The following COPB2 variants were observed in gnomAD, a reference collection of about 807,000 sequenced individuals.
COPB2 encodes coatomer subunit beta'.
In COPB2, 16 loss-of-function variants were observed where a neutral mutation model predicts 120.8. The observed-to-expected ratio is 0.13, with a 90% CI of 0.09 to 0.20. The LOEUF (loss-of-function observed/expected upper bound fraction) is 0.20. COPB2 is among the 10% of genes least tolerant of loss of function. The pLI, the probability that COPB2 is intolerant of heterozygous loss-of-function variation, is 1.00. For missense variants in COPB2, 794 were observed against 1,076.5 expected (o/e 0.74, Z 3.67); for synonymous variants, 332 against 366.3 (o/e 0.91, Z 1.07).
rs780380900 is a variant in COPB2 at position 139,359,057 on chromosome 3, C to G, written c.2425G>C (p.Glu809Gln). 1.1e-5 allele frequency: 17 copies of G among 1,613,934 alleles called. No individual in the cohort carries two copies. The highest frequency in any genetic ancestry group is 1.4e-5 in the Non-Finnish European group (16 of 1,180,010). Reference sequence around the variant, plus strand: ...TCAGCATGTGTTTCCTTCACCCATTCTTCAACAACAAAGGCTTCTTTTAAT... The same window carrying G: ...TCAGCATGTGTTTCCTTCACCCATTGTTCAACAACAAAGGCTTCTTTTAAT... Reference protein sequence around the residue: ...PGLKEAFVVEEWVKETHADLW... With the variant: ...PGLKEAFVVEQWVKETHADLW... Residue 809 changes from glutamate to glutamine, a missense_variant, in exon 19 of 22, where the codon GAA becomes CAA. This residue lies in a region of COPB2 where 178 missense variants were observed against 183.2 expected (regional missense o/e 0.97). Transcript: ENST00000333188.
At chr3:139,385,067 C>T (rs1005854162) in intron 1 of COPB2, 2 of 152,232 alleles carry the variant, frequency 1.3e-5, no homozygotes, top group Middle Eastern at 3.2e-3. Context: ...GGCGAAGTCT[C>T]GCTCTGTCGT....
intron 2 of COPB2, 80 bp from the exon 3 acceptor site, chr3:139,379,546 C>A: frequency 8.7e-7 from 1 of 1,146,384 alleles, no homozygotes; most frequent in South Asian, 1.4e-5. Flanking sequence ...TTCAAACATC[C>A]AATTTTTAAG....
chr3:139,378,465 A>G (rs1941755195), intron 4 of COPB2, among the ~76,000 whole-genome samples: 1 of 152,244 alleles, frequency 6.6e-6, no homozygotes, highest in Non-Finnish European at 1.5e-5. Flanking sequence ...GGCATTAAAG[A>G]ATGGCCAAAG....
intron 10 of COPB2, among the ~76,000 whole-genome samples, chr3:139,370,125 A>G (rs142433782): frequency 2.0e-5 from 3 of 152,314 alleles, no homozygotes; most frequent in East Asian, 1.9e-4. Flanking sequence ...GAAATGTTCT[A>G]TAATTTGATT....
intron 10 of COPB2, among the ~76,000 whole-genome samples, chr3:139,370,564 G>A (rs1389335693): frequency 6.6e-6 from 1 of 152,090 alleles, no homozygotes; most frequent in Admixed American, 6.6e-5. Flanking sequence ...CAATAAGGGC[G>A]ATTTAAATAA....
At position 139,378,985 on chromosome 3, in the gene COPB2, C is replaced by T. The variant is rs1282638938; in HGVS notation, c.355+62G>A. 2.6e-5 allele frequency: 38 copies of T among 1,483,742 alleles called. No homozygotes were observed. The East Asian group carries it at 7.5e-4, about 29-fold the overall frequency. 91.9% of individuals were successfully genotyped at this position (1,483,742 alleles called of 1,614,324 possible). On this transcript the variant is annotated intron_variant, in intron 4 of 21. Coordinates refer to ENST00000333188, the MANE Select transcript of COPB2 (RefSeq NM_004766.3). Reference sequence around the variant, plus strand: ...TAACAGCAGTTAAAGCATAGCATGTCTCAGTGAATGAAAATGAATTACCCA... The same window carrying T: ...TAACAGCAGTTAAAGCATAGCATGTTTCAGTGAATGAAAATGAATTACCCA...
chr3:139,367,245 G>A, intron 13 of COPB2, 100 bp from the exon 14 acceptor site: 1 of 1,335,626 alleles, frequency 7.5e-7, no homozygotes, highest in Non-Finnish European at 1.0e-6. Flanking sequence ...AATAAGGAAT[G>A]CAAAGTAAAA....
intron 18 of COPB2, 44 bp from the exon 19 acceptor site, chr3:139,359,222 GCTCT>G (rs776882681): frequency 6.2e-7 from 1 of 1,609,430 alleles, no homozygotes; most frequent in Non-Finnish European, 8.5e-7. Flanking sequence ...AAGTAAATGT[GCTCT>G]CTTTTTATTG....
intron 5 of COPB2, 45 bp downstream of exon 5, chr3:139,377,996 T>G: frequency 2.0e-6 from 3 of 1,476,436 alleles, no homozygotes; most frequent in Non-Finnish European, 2.8e-6. Flanking sequence ...AAGGCAAGTA[T>G]AGTTCACTAA....
chr3:139,368,240 A>T lies in COPB2; in HGVS notation c.1450T>A (p.Ser484Thr), dbSNP rs377228965. Residue 484 changes from serine (S) to threonine (T), a missense_variant, in exon 13 of 22, where the codon TCA becomes ACA. Physicochemically the swap from Ser to Thr is moderately conservative, Grantham distance 58. This residue lies in a region of COPB2 where 610 missense variants were observed against 866.7 expected (regional missense o/e 0.70). Coordinates refer to ENST00000333188, the MANE Select transcript of COPB2 (RefSeq NM_004766.3). ...GACAGATACTTAAGGATAAAAAATG[A>T]TTCCTCAGTAGCAATACAGACTAGC... The part of the protein sequence containing the change: ...GELVCIATEE[S>T]FFILKYLSEK... 2.7e-5 allele frequency: 43 copies of T among 1,613,718 alleles called. No individual in the cohort carries two copies. The highest frequency in any genetic ancestry group is 4.2e-6 in the Non-Finnish European group (5 of 1,179,866).
intron 12 of COPB2, 106 bp downstream of exon 12, chr3:139,369,155 A>G (rs1941577643): frequency 2.8e-6 from 2 of 725,412 alleles, no homozygotes. Flanking sequence ...GGCTTTTGAT[A>G]ATCGAAGAGG....
Position 139,357,737 on chromosome 3 carries a change from G to T in COPB2, c.*126C>A. On this transcript the variant is annotated 3_prime_UTR_variant, in exon 22 of 22. Coordinates refer to ENST00000333188, the MANE Select transcript of COPB2 (RefSeq NM_004766.3). ...TGATGTGGGCATTGTGCTCCCAGTG[G>T]TCCACAGCATTTACATATAAAAATC... 3 of 521,036 alleles carry T rather than the reference G, an allele frequency of 5.8e-6. 1 individual carries two copies. Among genetic ancestry groups the T allele is most frequent in the South Asian group, 6.5e-5 (2 of 30,660 alleles). 32.3% of individuals were successfully genotyped at this position (521,036 alleles called of 1,614,324 possible).
chr3:139,387,677 G>A (rs1296195507), intron 1 of COPB2, among the ~76,000 whole-genome samples: 1 of 152,092 alleles, frequency 6.6e-6, no homozygotes, highest in African/African-American at 2.4e-5. Context: ...TTGAGTATGG[G>A]GGTTTAAGAA....
At chr3:139,382,876 A>G (rs1250217182) in intron 2 of COPB2, 2 of 171,324 alleles carry the variant, frequency 1.2e-5, no homozygotes, top group East Asian at 1.7e-4. Flanking sequence ...TTTCCCTGAT[A>G]TAATCTATAT....
In COPB2 at chr3:139,379,368, T is replaced by A. The variant is rs758623065; in HGVS notation, c.228+12A>T. The A allele has an allele frequency of 2.0e-5, 32 of 1,611,698 alleles. No individual in the cohort carries two copies. On this transcript the variant is annotated intron_variant, in intron 3 of 21. Transcript: ENST00000333188. ...CAGAAAATGGGAATAGAGATTCATA[T>A]TAATTACTTACCGCTCCTGTCACAA...
In COPB2 at chr3:139,379,455, C is replaced by T. The variant is rs1336810375; in HGVS notation, c.153G>A (p.Lys51=). Residue 51 remains lysine (K), a synonymous_variant, in exon 3 of 22, where the codon AAG becomes AAA. Coordinates refer to ENST00000333188, the MANE Select transcript of COPB2 (RefSeq NM_004766.3). ...CAGGAAGATCACATACTTCAAATGTCTTCACCAGTGTCTTTAAAATGTAAC... is the reference window on the plus strand; with the variant it reads ...CAGGAAGATCACATACTTCAAATGTTTTCACCAGTGTCTTTAAAATGTAAC... The part of the protein sequence containing the change: ...VWNHETQTLV[K]TFEVCDLPVR... The T allele has an allele frequency of 6.2e-7, 1 of 1,613,674 alleles. No individual in the cohort carries two copies. The highest frequency in any genetic ancestry group is 8.5e-7 in the Non-Finnish European group (1 of 1,179,790).
intron 1 of COPB2, 126 bp from the exon 2 acceptor site, chr3:139,383,561 C>G (rs1473183152): frequency 1.2e-6 from 1 of 842,440 alleles, no homozygotes; most frequent in Non-Finnish European, 1.7e-6. Flanking sequence ...GCTTTTGAAA[C>G]AGTTTCAAGT....
intron 10 of COPB2, among the ~76,000 whole-genome samples, chr3:139,370,975 G>T (rs898612973): frequency 1.3e-5 from 2 of 152,028 alleles, no homozygotes; most frequent in Non-Finnish European, 2.9e-5. Flanking sequence ...ATTACACAAC[G>T]CTGAGGCTTA....
intron 2 of COPB2, 109 bp from the exon 3 acceptor site, chr3:139,379,575 A>T: frequency 1.2e-6 from 1 of 838,056 alleles, no homozygotes; most frequent in Non-Finnish European, 1.9e-6. Context: ...TCATTTTAGT[A>T]TATTCTCAGG....
Sources: gnomAD v4.1 joint callset for allele counts (sites outside exome capture counted in the v4.1 genomes callset) on GRCh38, gnomAD v4.1.1 for gene constraint, gnomAD v4.1.1 regional missense constraint, MANE v1.5 for transcripts, NCBI Gene and HGNC (gene_info 2026-07-23, HGNC 2026-07-21) for gene names.